UMAD1: variants seen among roughly 807,000 people sequenced by gnomAD.
UMAD1 encodes the protein UBAP1-MVB12-associated (UMA) domain containing 1.
In UMAD1, 8 loss-of-function variants were observed where a neutral mutation model predicts 6.1. That is an observed-to-expected ratio of 1.30 (90% CI 0.76 to 2.35). The LOEUF (loss-of-function observed/expected upper bound fraction) is 2.35, where lower values mean the gene tolerates loss of function less well. UMAD1 is among the 30% of genes most tolerant of loss of function. UMAD1 has a pLI of 0.00. For synonymous variants in UMAD1, 56 were observed against 31.4 expected (o/e 1.78, Z -2.61); for missense variants, 130 against 78.4 (o/e 1.66, Z -2.49).
intron 2 of UMAD1, among the ~76,000 whole-genome samples, chr7:7,687,882 C>T (rs1027640999): frequency 6.6e-6 from 1 of 152,260 alleles, no homozygotes; most frequent in East Asian, 1.9e-4. Flanking sequence ...ATTTATGGAA[C>T]GACTTATTTT....
At chr7:7,799,110 A>G (rs934096200) in intron 2 of UMAD1, among the ~76,000 whole-genome samples, 4 of 152,194 alleles carry the variant, frequency 2.6e-5, no homozygotes, top group African/African-American at 9.6e-5. Flanking sequence ...TAACTTTTAT[A>G]TGGATTAGAG....
intron 2 of UMAD1, among the ~76,000 whole-genome samples, chr7:7,731,482 A>ACCCCCCC (rs60208794): frequency 8.9e-6 from 1 of 112,952 alleles, no homozygotes; most frequent in Non-Finnish European, 1.8e-5. Flanking sequence ...CAAACAAACA[A>ACCCCCCC]CCCCCCCCCA....
chr7:7,824,969 A>G (rs1336654580), intron 3 of UMAD1, among the ~76,000 whole-genome samples: 1 of 152,140 alleles, frequency 6.6e-6, no homozygotes, highest in African/African-American at 2.4e-5. Context: ...TTTGTAGAAT[A>G]AATAAAGTAG....
chr7:7,640,843 G>C (rs1227122091), intron 1 of UMAD1, 22 bp downstream of exon 1: 3 of 198,086 alleles, frequency 1.5e-5, no homozygotes, highest in Admixed American at 5.9e-5. Context: ...CGCGGGAGGC[G>C]CCGCAACCTT....
At chr7:7,814,262 G>T (rs1425594187) in intron 3 of UMAD1, among the ~76,000 whole-genome samples, 1 of 152,176 alleles carries the variant, frequency 6.6e-6, no homozygotes, top group Non-Finnish European at 1.5e-5. Context: ...GGGATTACAG[G>T]CGTGAGCCAC....
At chr7:7,869,421 C>G (rs1162350783) in intron 3 of UMAD1, among the ~76,000 whole-genome samples, 1 of 152,128 alleles carries the variant, frequency 6.6e-6, no homozygotes, top group Non-Finnish European at 1.5e-5. Flanking sequence ...AACTTGTTTT[C>G]TAGAAATATG....
intron 2 of UMAD1, among the ~76,000 whole-genome samples, chr7:7,801,090 C>A (rs1464639301): frequency 6.6e-6 from 1 of 152,190 alleles, no homozygotes; most frequent in Non-Finnish European, 1.5e-5. Context: ...GCCTACTCAC[C>A]AACTTCATTT....
intron 2 of UMAD1, among the ~76,000 whole-genome samples, chr7:7,689,729 G>A (rs1780129341): frequency 1.3e-5 from 2 of 152,120 alleles, no homozygotes; most frequent in African/African-American, 4.8e-5. Context: ...ATTGGAAATA[G>A]TCTGGAGTTC....
chr7:7,742,192 A>G, intron 2 of UMAD1: 1 of 676,300 alleles, frequency 1.5e-6, no homozygotes. Flanking sequence ...CCTTGGCCAC[A>G]TCGATGTCAC....
At chr7:7,725,760 T>C in intron 2 of UMAD1, among the ~76,000 whole-genome samples, 1 of 152,172 alleles carries the variant, frequency 6.6e-6, no homozygotes, top group African/African-American at 2.4e-5. Flanking sequence ...ATGCCCATGG[T>C]CTCCACTCCT....
intron 1 of UMAD1, among the ~76,000 whole-genome samples, chr7:7,654,916 AAATTTGTGATATTTTT>A (rs1328558803): frequency 6.6e-6 from 1 of 151,300 alleles, no homozygotes; most frequent in Non-Finnish European, 1.5e-5. Context: ...AAAAAAAAAA[AAATTTGTGATATTTTT>A]AATTGTTGTA....
At chr7:7,737,178 A>G (rs985334857) in intron 2 of UMAD1, among the ~76,000 whole-genome samples, 1 of 152,250 alleles carries the variant, frequency 6.6e-6, no homozygotes, top group African/African-American at 2.4e-5. Flanking sequence ...CCCATTGTCT[A>G]CTAAGTCAGT....
intron 2 of UMAD1, 144 bp downstream of exon 2, chr7:7,673,597 A>G (rs1324239510): frequency 6.6e-6 from 4 of 602,328 alleles, no homozygotes; most frequent in African/African-American, 1.8e-5. Flanking sequence ...TAAAATCTGT[A>G]AAGATGAAAG....
At chr7:7,783,343 A>G (rs776256397) in intron 2 of UMAD1, among the ~76,000 whole-genome samples, 1 of 152,170 alleles carries the variant, frequency 6.6e-6, no homozygotes, top group Non-Finnish European at 1.5e-5. Context: ...TGACTGTAGA[A>G]TTGGAATATG....
In UMAD1 at chr7:7,673,348, GCAGCAGCAGCA is replaced by G. The variant is rs777389778; in HGVS notation, c.-23_-13del. On this transcript the variant is annotated 5_prime_UTR_variant, in exon 2 of 4. Coordinates refer to ENST00000682710, the MANE Select transcript of UMAD1 (RefSeq NM_001302348.2). ...AGCAGCAGCAGCAGCAGCAGCAGCAGCAGCAGCAGCAGCAGCAGCAGCAATGTTTCACTTCT... is the reference window on the plus strand; with the variant it reads ...AGCAGCAGCAGCAGCAGCAGCAGCAGGCAGCAGCAGCAATGTTTCACTTCT... 9.4e-6 allele frequency: 12 copies of G among 1,275,350 alleles called. No homozygotes were observed. In the South Asian group the frequency reaches 1.5e-4, roughly 16 times the overall value. 79.0% of individuals were successfully genotyped at this position (1,275,350 alleles called of 1,614,324 possible). A position where few individuals can be genotyped will look rare whatever the true frequency, so the allele number is the denominator to read the frequency against.
In UMAD1 at chr7:7,864,280, C is replaced by G. The variant is rs530774228; in HGVS notation, c.157-13001C>G. Among the ~76,000 whole-genome samples the G allele has an allele frequency of 2.6e-5, 4 of 152,188 alleles. No individual in the cohort carries two copies. In the South Asian group the frequency reaches 6.2e-4, roughly 24 times the overall value. On this transcript the variant is annotated intron_variant, in intron 3 of 3. Transcript: ENST00000682710. ...AATCACCAAACTTCTAAATAAAGAT[C>G]AAAACACTTCTAATAGTAAACACTG...
intron 2 of UMAD1, among the ~76,000 whole-genome samples, chr7:7,702,942 C>T (rs970577265): frequency 2.0e-5 from 3 of 152,198 alleles, no homozygotes; most frequent in Non-Finnish European, 4.4e-5. Context: ...TTTTCACTTG[C>T]GTCATTCTCC....
At chr7:7,652,903 A>G (rs1048576651) in intron 1 of UMAD1, among the ~76,000 whole-genome samples, 1 of 152,216 alleles carries the variant, frequency 6.6e-6, no homozygotes, top group African/African-American at 2.4e-5. Context: ...GATGGCTTCT[A>G]TTTTGTGTAA....
At chr7:7,855,612 C>G (rs1399011969) in intron 3 of UMAD1, among the ~76,000 whole-genome samples, 1 of 152,264 alleles carries the variant, frequency 6.6e-6, no homozygotes, top group East Asian at 1.9e-4. Context: ...AGGAAACCGT[C>G]TTTTCCTCCT....
Sources: gnomAD v4.1 joint callset for allele counts (sites outside exome capture counted in the v4.1 genomes callset) on GRCh38, gnomAD v4.1.1 for gene constraint, MANE v1.5 for transcripts, NCBI Gene and HGNC (gene_info 2026-07-23, HGNC 2026-07-21) for gene names.